The following KDM6A variants were observed in gnomAD, a reference collection of about 807,000 sequenced individuals.
The protein encoded by KDM6A is lysine demethylase 6A, also known as lysine-specific demethylase 6A.
In KDM6A, 11 loss-of-function variants were observed where a neutral mutation model predicts 117.6. The observed-to-expected ratio is 0.09, with a 90% CI of 0.06 to 0.15. The LOEUF (loss-of-function observed/expected upper bound fraction) is 0.15. KDM6A is among the 10% of genes least tolerant of loss of function. The pLI is 1.00. For synonymous variants in KDM6A, 384 were observed against 396.1 expected, an observed-to-expected ratio of 0.97 and a Z score of 0.36; for missense variants, 799 against 1,077.3, an observed-to-expected ratio of 0.74 and a Z score of 3.62.
At chrX:44,949,097 A>G (rs952685203) in intron 2 of KDM6A, among the ~76,000 whole-genome samples, 1 of 112,274 alleles carries the variant, frequency 8.9e-6, no homozygotes, top group Non-Finnish European at 1.9e-5. Flanking sequence ...TTGCATATAA[A>G]GATTTGTACT....
intron 6 of KDM6A, among the ~76,000 whole-genome samples, chrX:45,030,177 T>TG (rs1251326197): frequency 1.8e-5 from 2 of 109,702 alleles, no homozygotes; most frequent in East Asian, 2.9e-4. Flanking sequence ...TAAATTGATT[T>TG]GGAGGTACCT....
chrX:45,010,883 A>G lies in KDM6A; in HGVS notation c.385-78A>G. Reference sequence around the variant, plus strand: ...TTTTAGGACTTAAAACATCTTGGATACCGTATTTTACAATAATAACATCAT... The same window carrying G: ...TTTTAGGACTTAAAACATCTTGGATGCCGTATTTTACAATAATAACATCAT... On this transcript the variant is annotated intron_variant, in intron 4 of 29. Transcript: ENST00000611820. 4 of 724,948 alleles carry G rather than the reference A, an allele frequency of 5.5e-6. No homozygotes were observed. The South Asian group carries it at 9.4e-5, about 17-fold the overall frequency. The allele number at this position is 724,948 out of a possible 1,213,427, so 59.7% of individuals were successfully genotyped here. A position where few individuals can be genotyped will look rare whatever the true frequency, so the allele number is the denominator to read the frequency against.
intron 2 of KDM6A, among the ~76,000 whole-genome samples, chrX:44,889,855 CTT>C (rs2033195554): frequency 8.9e-6 from 1 of 111,969 alleles, no homozygotes; most frequent in Admixed American, 9.5e-5. Context: ...AAAAATCTGA[CTT>C]TTTATTTTGA....
intron 2 of KDM6A, among the ~76,000 whole-genome samples, chrX:44,921,968 C>T (rs866997221): frequency 1.6e-4 from 15 of 96,379 alleles, no homozygotes; most frequent in African/African-American, 4.9e-4. Context: ...GTTATTATCA[C>T]CGTTTTTTTA....
intron 2 of KDM6A, among the ~76,000 whole-genome samples, chrX:44,953,491 C>A (rs1320354463): frequency 8.9e-6 from 1 of 111,883 alleles, no homozygotes; most frequent in Non-Finnish European, 1.9e-5. Context: ...AAGCAAGTCA[C>A]AAAACAGTAT....
Position 44,928,303 on chromosome X carries a change from TAGAG to T in KDM6A, c.226-32978_226-32975del, listed in dbSNP as rs747431243. 9.4e-3 allele frequency among the ~76,000 whole-genome samples: 1,052 copies of T among 111,614 alleles called. 6 individuals are homozygous for T. Among genetic ancestry groups the T allele is most frequent in the Non-Finnish European group, 0.014 (761 of 53,011 alleles). On this transcript the variant is annotated intron_variant, in intron 2 of 29. Coordinates refer to ENST00000611820, the MANE Select transcript of KDM6A (RefSeq NM_001291415.2). ...GTAACTTTCAAGTGAATTAGTAAAA[TAGAG>T]AGGGAGTGTGTGCACACATGTGGCA...
At chrX:44,901,329 C>T (rs1005983283) in intron 2 of KDM6A, among the ~76,000 whole-genome samples, 1 of 110,021 alleles carries the variant, frequency 9.1e-6, no homozygotes, top group Non-Finnish European at 1.9e-5. Context: ...TGCAGTGAGC[C>T]GAGGTGACAG....
chrX:45,037,589 T>C lies in KDM6A; in HGVS notation c.620-66T>C, dbSNP rs1426532021. 3.5e-6 allele frequency: 3 copies of C among 854,630 alleles called. No individual in the cohort carries two copies. In the African/African-American group the frequency reaches 5.9e-5, roughly 17 times the overall value. 70.4% of individuals were successfully genotyped at this position (854,630 alleles called of 1,213,427 possible). On this transcript the variant is annotated intron_variant, in intron 7 of 29. Coordinates refer to ENST00000611820, the MANE Select transcript of KDM6A (RefSeq NM_001291415.2). ...ATAATGTTTGATGCTTTGTTATTCT[T>C]ACTTAATTTGCCCCAAATTCTGCTG...
intron 2 of KDM6A, among the ~76,000 whole-genome samples, chrX:44,899,004 G>GGGGTGTGTGTGTGTGTGTGT (rs754650272): frequency 2.5e-5 from 2 of 79,657 alleles, no homozygotes; most frequent in African/African-American, 1.3e-4. Context: ...GGAGAGGGAG[G>GGGGTGTGTGTGTGTGTGTGT]GTGTGTGTGT....
intron 2 of KDM6A, among the ~76,000 whole-genome samples, chrX:44,950,170 C>T (rs1428692070): frequency 9.0e-6 from 1 of 110,537 alleles, no homozygotes. Flanking sequence ...CGCGTGCCAC[C>T]ATGCCTGGCT....
Position 45,011,266 on chromosome X carries a change from A to G in KDM6A, c.443+247A>G, listed in dbSNP as rs150017791. 3.0e-4 allele frequency among the ~76,000 whole-genome samples: 33 copies of G among 111,753 alleles called. No individual in the cohort carries two copies. The East Asian group carries it at 9.2e-3, about 31-fold the overall frequency. The stretch of plus-strand genomic sequence containing the variant: ...TATAAGATTCTGTTGAAGAAGGCTT[A>G]GATTAGAAAGCTTTTTGGAATTTCT... On this transcript the variant is annotated intron_variant, in intron 5 of 29. Transcript: ENST00000611820.
intron 4 of KDM6A, among the ~76,000 whole-genome samples, chrX:44,991,329 C>T (rs1018857296): frequency 1.8e-5 from 2 of 109,470 alleles, no homozygotes; most frequent in Admixed American, 9.8e-5. Context: ...TCTTCTCTCT[C>T]TCTCTCTCTT....
chrX:45,071,510 A>T (rs1218494793), intron 18 of KDM6A, among the ~76,000 whole-genome samples: 1 of 111,606 alleles, frequency 9.0e-6, no homozygotes, highest in Non-Finnish European at 1.9e-5. Context: ...TCTACCGTTA[A>T]ATGTTTGTCA....
chrX:45,062,381 T>C (rs1402784761), intron 15 of KDM6A, among the ~76,000 whole-genome samples: 1 of 112,413 alleles, frequency 8.9e-6, no homozygotes, highest in East Asian at 2.8e-4. Context: ...TACCTAAGAA[T>C]ACTGTATGGA....
intron 6 of KDM6A, among the ~76,000 whole-genome samples, chrX:45,021,539 A>G: frequency 9.0e-6 from 1 of 111,731 alleles, no homozygotes; most frequent in Non-Finnish European, 1.9e-5. Context: ...ATAAAGAATG[A>G]CATTCAAGTA....
chrX:45,022,267 G>A (rs987118724), intron 6 of KDM6A, among the ~76,000 whole-genome samples: 2 of 112,114 alleles, frequency 1.8e-5, no homozygotes, highest in African/African-American at 6.5e-5. Flanking sequence ...TTTCATGGCC[G>A]ATTGAAAGTG....
At chrX:44,925,432 A>G (rs1406063449) in intron 2 of KDM6A, among the ~76,000 whole-genome samples, 2 of 111,626 alleles carry the variant, frequency 1.8e-5, no homozygotes, top group Non-Finnish European at 3.8e-5. Context: ...TGTTTCACAT[A>G]TTCTGCTTGG....
At chrX:45,071,749 G>GTCTTTTCTT (rs2044846387) in intron 18 of KDM6A, among the ~76,000 whole-genome samples, 2 of 105,827 alleles carry the variant, frequency 1.9e-5, no homozygotes, top group African/African-American at 6.9e-5. Flanking sequence ...TTCTTTTCTT[G>GTCTTTTCTT]TCTTTTCTTG....
chrX:44,919,159 T>A (rs2035742215), intron 2 of KDM6A, among the ~76,000 whole-genome samples: 1 of 111,847 alleles, frequency 8.9e-6, no homozygotes, highest in Admixed American at 9.5e-5. Flanking sequence ...GATCTATTTG[T>A]TACTATTAAT....
Sources: allele counts gnomAD v4.1 joint callset (sites outside exome capture counted in the v4.1 genomes callset), GRCh38; gene constraint gnomAD v4.1.1; transcripts MANE v1.5; gene names NCBI Gene and HGNC (gene_info 2026-07-23, HGNC 2026-07-21).